The following RFX1 variants were observed in gnomAD, a reference collection of about 807,000 sequenced individuals.
RFX1 encodes MHC class II regulatory factor RFX1.
Under a neutral mutation model 119.6 loss-of-function variants are expected in RFX1, and 42 were observed. The observed-to-expected ratio is 0.35, with a 90% CI of 0.27 to 0.45. RFX1 has a LOEUF of 0.45. RFX1 is among the 20% of genes least tolerant of loss of function. The pLI, the probability that RFX1 is intolerant of heterozygous loss-of-function variation, is 1.00. For synonymous variants in RFX1, 628 were observed against 618.5 expected (o/e 1.02, Z -0.23); for missense variants, 1,118 against 1,368.1 (o/e 0.82, Z 2.88).
At chr19:13,993,959 G>A in intron 1 of RFX1, 64 bp from the exon 2 acceptor site, 2 of 929,578 alleles carry the variant, frequency 2.2e-6, no homozygotes, top group Non-Finnish European at 3.2e-6. Context: ...GGAAAAACAG[G>A]AATTAATCCA....
At chr19:14,000,362 T>A (rs1975175243) in intron 1 of RFX1, among the ~76,000 whole-genome samples, 1 of 152,136 alleles carries the variant, frequency 6.6e-6, no homozygotes, top group Non-Finnish European at 1.5e-5. Context: ...GGTGTGTGGC[T>A]GTAATCCCAG....
In RFX1 at chr19:13,985,121, CGAAGTGCCG is replaced by C; in HGVS notation, c.320-1535_320-1527del. Among the ~76,000 whole-genome samples, 1 of 152,096 alleles carries C rather than the reference CGAAGTGCCG, an allele frequency of 6.6e-6. No individual in the cohort carries two copies. The highest frequency in any genetic ancestry group is 1.5e-5 in the Non-Finnish European group (1 of 68,026). On this transcript the variant is annotated intron_variant, in intron 2 of 20. Transcript: ENST00000254325. The surrounding 1 kb of genome is among the most constrained non-coding windows in gnomAD (Gnocchi z 4.3). ...AAGCAATCCACCTGCTTCCATCTCC[CGAAGTGCCG>C]GAATTACCGGCGTGAGCCACTGTGC...
At chr19:13,988,937 G>A (rs958321741) in intron 2 of RFX1, among the ~76,000 whole-genome samples, 4 of 152,270 alleles carry the variant, frequency 2.6e-5, no homozygotes, top group East Asian at 1.9e-4. Context: ...CAGGAGAATC[G>A]CTTGAACCCA....
Position 13,980,743 on chromosome 19 carries a change from G to GGGGTGGGCTCGCATCCTCTCA in RFX1, c.622-55_622-54insTGAGAGGATGCGAGCCCACCC. On this transcript the variant is annotated intron_variant, in intron 5 of 20. Transcript: ENST00000254325. This position sits in a 1 kb window ranked among gnomAD's most constrained non-coding sequence, Gnocchi z 5.1. ...GCTGGGGTGGGCTTGCATCCTCTCT[G>GGGGTGGGCTCGCATCCTCTCA]AGGTGGGCTCACACACACACCCTTC... The GGGGTGGGCTCGCATCCTCTCA allele has an allele frequency of 7.7e-7, 1 of 1,306,238 alleles. No individual in the cohort carries two copies. The highest frequency in any genetic ancestry group is 1.1e-6 in the Non-Finnish European group (1 of 930,504). The allele number at this position is 1,306,238 out of a possible 1,614,324, so 80.9% of individuals were successfully genotyped here.
intron 18 of RFX1, 81 bp downstream of exon 18, chr19:13,963,457 G>A (rs1197087932): frequency 6.8e-7 from 1 of 1,464,712 alleles, no homozygotes; most frequent in Non-Finnish European, 9.2e-7. Context: ...GGCTCGGGTC[G>A]TCGTAGAAGA....
intron 7 of RFX1, among the ~76,000 whole-genome samples, chr19:13,978,793 A>G (rs1489696061): frequency 6.6e-6 from 1 of 151,792 alleles, no homozygotes; most frequent in African/African-American, 2.4e-5. Context: ...CACCTGGGGG[A>G]TTCTCTGGAT....
chr19:13,963,768 G>A, intron 17 of RFX1, 22 bp from the exon 18 acceptor site: 8 of 1,525,054 alleles, frequency 5.2e-6, no homozygotes, highest in Non-Finnish European at 7.0e-6. Context: ...AGGGTGGGCG[G>A]GCGCCCGGGG....
chr19:13,993,645 G>C lies in RFX1; in HGVS notation c.199C>G (p.Pro67Ala). 6.2e-7 allele frequency: 1 copy of C among 1,605,178 alleles called. No homozygotes were observed. The highest frequency in any genetic ancestry group is 8.5e-7 in the Non-Finnish European group (1 of 1,175,118). ...ELQSPQPQAQ[P>A]PGGQKQYVTE... ...ACGTACTGCTTCTGGCCACCCGGTG[G>C]CTGTGCCTGGGGCTGGGGGCTCTGC... The change falls in exon 2 of 21, where the codon CCA (proline) becomes GCA (alanine). Residue 67 changes from proline (P) to alanine (A), a missense_variant. Coordinates refer to ENST00000254325, the MANE Select transcript of RFX1 (RefSeq NM_002918.5).
intron 2 of RFX1, 118 bp from the exon 3 acceptor site, chr19:13,983,713 T>A: frequency 1.3e-6 from 1 of 792,984 alleles, no homozygotes; most frequent in Non-Finnish European, 2.0e-6. Context: ...GTCAGGCCCC[T>A]CCAAGAGTCC....
chr19:13,983,662 C>A (rs190755331), intron 2 of RFX1, 67 bp from the exon 3 acceptor site: 19 of 1,360,566 alleles, frequency 1.4e-5, no homozygotes, highest in African/African-American at 5.7e-5. Flanking sequence ...CCTGAGCCCC[C>A]CTGGAGGGGA....
At chr19:13,984,965 A>G (rs1468708536) in intron 2 of RFX1, among the ~76,000 whole-genome samples, 1 of 151,502 alleles carries the variant, frequency 6.6e-6, no homozygotes, top group African/African-American at 2.4e-5. Context: ...GGTTCAAGCA[A>G]TTATCCTGCC....
intron 2 of RFX1, 132 bp from the exon 3 acceptor site, chr19:13,983,727 T>C: frequency 2.7e-6 from 2 of 728,072 alleles, no homozygotes; most frequent in East Asian, 2.7e-5. Flanking sequence ...AGAGTCCTGC[T>C]TCCCCCTGGC....
chr19:13,984,142 G>C (rs914119873), intron 2 of RFX1, among the ~76,000 whole-genome samples: 11 of 152,168 alleles, frequency 7.2e-5, no homozygotes, highest in Admixed American at 1.3e-4. Flanking sequence ...GGCTTGGAGT[G>C]GGGGAGGCAG....
chr19:13,993,065 G>A (rs1333824168), intron 2 of RFX1, among the ~76,000 whole-genome samples: 8 of 152,062 alleles, frequency 5.3e-5, no homozygotes, highest in South Asian at 2.1e-4. Context: ...ATTTGAGGCC[G>A]GGAGGATCAT....
intron 16 of RFX1, 170 bp from the exon 17 acceptor site, chr19:13,964,177 G>A (rs1568456994): frequency 6.1e-6 from 4 of 658,630 alleles, no homozygotes; most frequent in African/African-American, 5.6e-5. Context: ...CAAACTTTGG[G>A]TGTCCACTCA....
intron 1 of RFX1, among the ~76,000 whole-genome samples, chr19:13,999,341 A>T (rs1975135798): frequency 1.3e-5 from 2 of 152,188 alleles, no homozygotes; most frequent in South Asian, 4.1e-4. Flanking sequence ...GAGACTGTTT[A>T]AATCTATTAC....
In RFX1 at chr19:13,962,704, G is replaced by A. The variant is rs1344732847; in HGVS notation, c.2931C>T (p.Pro977=). Residue 977 remains proline, a synonymous_variant, in exon 21 of 21, where the codon CCC becomes CCT. Transcript: ENST00000254325. ...CGGGGAGGCCAAGGGCTTAGCTGGA[G>A]GGCAGCGCCTGCACGAAGAGGCCGC... ...DARGLFVQAL[P]SS The A allele has an allele frequency of 3.9e-6, 6 of 1,527,088 alleles. No homozygotes were observed. The East Asian group carries it at 1.5e-4, about 38-fold the overall frequency. The allele number at this position is 1,527,088 out of a possible 1,614,324, so 94.6% of individuals were successfully genotyped here.
At chr19:14,006,060 C>CCCACCCCGGCCCGGCCAG (rs1975367797) in intron 1 of RFX1, 43 bp downstream of exon 1, 1 of 152,398 alleles carries the variant, frequency 6.6e-6, no homozygotes, top group Non-Finnish European at 1.5e-5. Flanking sequence ...GGCCCCGCCG[C>CCCACCCCGGCCCGGCCAG]CCACCCCGGC....
intron 18 of RFX1, 67 bp downstream of exon 18, chr19:13,963,471 C>A: frequency 6.7e-7 from 1 of 1,498,686 alleles, no homozygotes; most frequent in Admixed American, 2.0e-5. Context: ...TAGAAGAGCA[C>A]CTGAGACCCC....
Sources: gnomAD v4.1 joint callset for allele counts (sites outside exome capture counted in the v4.1 genomes callset) on GRCh38, gnomAD v4.1.1 for gene constraint, Gnocchi (gnomAD v3.1) non-coding constraint, MANE v1.5 for transcripts, NCBI Gene and HGNC (gene_info 2026-07-23, HGNC 2026-07-21) for gene names.